Variants in CSMD1 observed in about 807,000 individuals in gnomAD.
CSMD1 encodes the protein CUB and Sushi multiple domains 1, also known as CUB and sushi domain-containing protein 1.
A neutral mutation model predicts 417.5 loss-of-function variants in CSMD1; 213 were observed. That is an observed-to-expected ratio of 0.51 (90% confidence interval 0.46 to 0.57). The LOEUF (loss-of-function observed/expected upper bound fraction) is 0.57. CSMD1 is among the 20% of genes least tolerant of loss of function. The probability of loss-of-function intolerance (pLI) is 0.00; values close to 1 mark genes in which losing one functional copy is unlikely to be tolerated. For missense variants in CSMD1, 6,923 were observed against 4,529.7 expected (o/e 1.53, Z -15.17); for synonymous variants, 2,862 against 1,736.8 (o/e 1.65, Z -16.11).
intron 57 of CSMD1, 70 bp from the exon 58 acceptor site, chr8:2,966,816 C>T: frequency 7.0e-7 from 1 of 1,425,458 alleles, no homozygotes; most frequent in Non-Finnish European, 9.7e-7. Flanking sequence ...ACACAAGAGA[C>T]CAATGGGTAT....
At chr8:3,630,705 A>G (rs1796739871) in intron 7 of CSMD1, among the ~76,000 whole-genome samples, 1 of 146,404 alleles carries the variant, frequency 6.8e-6, no homozygotes, top group African/African-American at 2.6e-5. Flanking sequence ...GTTTGCTTCC[A>G]AGAATTGAGG....
At chr8:3,352,455 T>G (rs182883087) in intron 21 of CSMD1, among the ~76,000 whole-genome samples, 1 of 152,220 alleles carries the variant, frequency 6.6e-6, no homozygotes, top group African/African-American at 2.4e-5. Flanking sequence ...GAAAAATAAG[T>G]TGTAATAATA....
intron 6 of CSMD1, among the ~76,000 whole-genome samples, chr8:3,719,792 G>A (rs141177070): frequency 6.6e-6 from 1 of 152,130 alleles, no homozygotes; most frequent in Non-Finnish European, 1.5e-5. Context: ...TTCTACGTGT[G>A]TCCAGCTTTT....
At chr8:4,173,051 C>G (rs143996055) in intron 3 of CSMD1, among the ~76,000 whole-genome samples, 1 of 152,090 alleles carries the variant, frequency 6.6e-6, no homozygotes, top group African/African-American at 2.4e-5. Flanking sequence ...AAGAAATTTC[C>G]TGCCCAGCAA....
At chr8:4,075,967 A>G (rs1799799989) in intron 3 of CSMD1, among the ~76,000 whole-genome samples, 1 of 152,200 alleles carries the variant, frequency 6.6e-6, no homozygotes, top group Admixed American at 6.5e-5. Context: ...TCTAAGTTTT[A>G]AAACATAGAA....
intron 3 of CSMD1, among the ~76,000 whole-genome samples, chr8:4,271,541 C>T (rs1041535072): frequency 5.9e-5 from 9 of 151,332 alleles, no homozygotes; most frequent in African/African-American, 1.5e-4. Flanking sequence ...CAACAAAATA[C>T]CACCATTACA....
chr8:4,337,444 A>T (rs1006553355), intron 3 of CSMD1, among the ~76,000 whole-genome samples: 1 of 152,014 alleles, frequency 6.6e-6, no homozygotes, highest in African/African-American at 2.4e-5. Flanking sequence ...GTTAAATCTA[A>T]ATGTCTTTGC....
intron 1 of CSMD1, among the ~76,000 whole-genome samples, chr8:4,877,187 C>G (rs1386636162): frequency 6.6e-6 from 1 of 151,728 alleles, no homozygotes; most frequent in East Asian, 1.9e-4. Flanking sequence ...GACAATGGCC[C>G]CTGAATGAGT....
intron 2 of CSMD1, among the ~76,000 whole-genome samples, chr8:4,552,091 A>T (rs557918425): frequency 1.3e-5 from 2 of 152,382 alleles, no homozygotes; most frequent in East Asian, 3.9e-4. Flanking sequence ...AGGAACTGAC[A>T]TATGCTAGCA....
intron 2 of CSMD1, among the ~76,000 whole-genome samples, chr8:4,566,996 A>T (rs1798645745): frequency 1.3e-5 from 2 of 152,190 alleles, no homozygotes; most frequent in Admixed American, 1.3e-4. Context: ...TCTCCAATGA[A>T]ATCCTGTATG....
chr8:4,821,951 T>C (rs1799548728), intron 1 of CSMD1, among the ~76,000 whole-genome samples: 2 of 152,106 alleles, frequency 1.3e-5, no homozygotes, highest in African/African-American at 2.4e-5. Context: ...TCTAATCGAA[T>C]AAAGCTTCTC....
chr8:4,558,185 A>T (rs1798178293), intron 2 of CSMD1, among the ~76,000 whole-genome samples: 2 of 152,184 alleles, frequency 1.3e-5, no homozygotes, highest in Non-Finnish European at 1.5e-5. Flanking sequence ...AAGCATCTAA[A>T]CAAGAGCAGG....
chr8:4,169,582 C>T (rs909222725), intron 3 of CSMD1, among the ~76,000 whole-genome samples: 1 of 152,148 alleles, frequency 6.6e-6, no homozygotes, highest in South Asian at 2.1e-4. Flanking sequence ...CTTCTCAACA[C>T]AGGCATTAGA....
intron 3 of CSMD1, among the ~76,000 whole-genome samples, chr8:4,368,150 T>A (rs2128911222): frequency 6.6e-6 from 1 of 152,214 alleles, no homozygotes; most frequent in African/African-American, 2.4e-5. Flanking sequence ...GATGATCATT[T>A]TTTTGAGATA....
chr8:4,429,741 G>T (rs1797764560), intron 2 of CSMD1, among the ~76,000 whole-genome samples: 1 of 152,100 alleles, frequency 6.6e-6, no homozygotes, highest in Non-Finnish European at 1.5e-5. Flanking sequence ...GTAACCCACA[G>T]CCGTATGCTG....
intron 12 of CSMD1, among the ~76,000 whole-genome samples, chr8:3,419,822 G>C (rs558505602): frequency 4.6e-5 from 7 of 152,114 alleles, no homozygotes; most frequent in African/African-American, 1.7e-4. Flanking sequence ...TTATTTTCCT[G>C]CTACTTCTAG....
chr8:3,046,046 C>A (rs1284654449), intron 50 of CSMD1, among the ~76,000 whole-genome samples: 1 of 152,142 alleles, frequency 6.6e-6, no homozygotes, highest in Non-Finnish European at 1.5e-5. Flanking sequence ...TCATACCTGA[C>A]TTTTACTTTT....
At chr8:3,817,283 T>TA (rs1801438221) in intron 5 of CSMD1, among the ~76,000 whole-genome samples, 2 of 80,358 alleles carry the variant, frequency 2.5e-5, no homozygotes, top group African/African-American at 5.6e-5. Flanking sequence ...TTTTTTTTTT[T>TA]TTTTTTTTTT....
intron 1 of CSMD1, among the ~76,000 whole-genome samples, chr8:4,830,031 G>A (rs1800060913): frequency 6.6e-6 from 1 of 152,106 alleles, no homozygotes; most frequent in South Asian, 2.1e-4. Context: ...CTTCTCTAAG[G>A]CACTAATCAC....
Sources: gnomAD v4.1 joint callset for allele counts (sites outside exome capture counted in the v4.1 genomes callset) on GRCh38, gnomAD v4.1.1 for gene constraint, MANE v1.5 for transcripts, NCBI Gene and HGNC (gene_info 2026-07-23, HGNC 2026-07-21) for gene names.